Variants in DOCK4 observed in about 807,000 individuals in gnomAD.
DOCK4 encodes dedicator of cytokinesis protein 4.
A neutral mutation model predicts 268.1 loss-of-function variants in DOCK4; 97 were observed. The observed-to-expected ratio is 0.36, with a 90% CI of 0.31 to 0.43. The LOEUF is 0.43. Among genes scored for constraint, DOCK4 ranks in the 20% least tolerant of loss-of-function variants. DOCK4 has a pLI of 1.00. For synonymous variants in DOCK4, 954 were observed against 887.2 expected (o/e 1.08, Z -1.34); for missense variants, 2,145 against 2,455.7 (o/e 0.87, Z 2.67).
chr7:111,760,058 G>T, intron 40 of DOCK4, 123 bp downstream of exon 40: 1 of 1,201,602 alleles, frequency 8.3e-7, no homozygotes. Flanking sequence ...TGATGGGAAA[G>T]AGGGAGCAGT....
At chr7:112,106,048 CAG>C (rs1811124641) in intron 1 of DOCK4, among the ~76,000 whole-genome samples, 2 of 152,344 alleles carry the variant, frequency 1.3e-5, no homozygotes, top group South Asian at 4.1e-4. Flanking sequence ...CGGACCACAA[CAG>C]ATTCTGTTTG....
At chr7:111,908,970 T>C (rs1034878087) in intron 13 of DOCK4, among the ~76,000 whole-genome samples, 2 of 152,220 alleles carry the variant, frequency 1.3e-5, no homozygotes, top group African/African-American at 4.8e-5. Context: ...TTTGCTGTTA[T>C]AAATAGTGCC....
chr7:112,044,456 C>T (rs1173915305), intron 1 of DOCK4, among the ~76,000 whole-genome samples: 2 of 152,130 alleles, frequency 1.3e-5, no homozygotes, highest in Non-Finnish European at 2.9e-5. Context: ...ATCTAGCACT[C>T]ATCAAGGTAT....
intron 1 of DOCK4, among the ~76,000 whole-genome samples, chr7:112,148,603 T>A (rs1227220034): frequency 6.6e-6 from 1 of 152,036 alleles, no homozygotes. Flanking sequence ...ACAACCATTA[T>A]TTGCTGTCTA....
At chr7:111,777,485 G>C (rs1337050384) in intron 36 of DOCK4, among the ~76,000 whole-genome samples, 1 of 152,178 alleles carries the variant, frequency 6.6e-6, no homozygotes, top group African/African-American at 2.4e-5. Context: ...AAATAGGTCT[G>C]ACTATTGAAA....
At chr7:111,939,784 C>T (rs1795054852) in intron 11 of DOCK4, among the ~76,000 whole-genome samples, 1 of 152,140 alleles carries the variant, frequency 6.6e-6, no homozygotes, top group South Asian at 2.1e-4. Context: ...TCAAAAAGTA[C>T]TTTCACTTTC....
intron 23 of DOCK4, among the ~76,000 whole-genome samples, chr7:111,853,555 C>T (rs997602516): frequency 1.3e-5 from 2 of 152,288 alleles, no homozygotes; most frequent in South Asian, 2.1e-4. Flanking sequence ...ATACAGACAA[C>T]AAGAACTCAG....
intron 1 of DOCK4, among the ~76,000 whole-genome samples, chr7:112,032,666 C>T (rs1165101889): frequency 6.6e-6 from 1 of 152,044 alleles, no homozygotes; most frequent in African/African-American, 2.4e-5. Context: ...AAAAGTAGGC[C>T]AGATTTTATT....
intron 27 of DOCK4, among the ~76,000 whole-genome samples, chr7:111,817,498 C>T (rs56957845): frequency 0.092 from 14,069 of 152,128 alleles, 2,084 homozygotes; most frequent in African/African-American, 0.31. Flanking sequence ...GGAAGCTTCC[C>T]TCCTTGAGAA....
Position 112,016,045 on chromosome 7 carries a change from G to T in DOCK4, c.38-11914C>A, listed in dbSNP as rs2135386212. 1.3e-5 allele frequency among the ~76,000 whole-genome samples: 2 copies of T among 152,286 alleles called. 1 individual carries two copies. Among genetic ancestry groups the T allele is most frequent in the South Asian group, 4.1e-4 (2 of 4,822 alleles). On this transcript the variant is annotated intron_variant, in intron 1 of 52. Coordinates refer to ENST00000428084, the MANE Select transcript of DOCK4 (RefSeq NM_001363540.2). ...TTAAAAGGATTACATTTCAACATAAGTTTTGGAGGGGACAAAAACATTTAA... is the reference window on the plus strand; with the variant it reads ...TTAAAAGGATTACATTTCAACATAATTTTTGGAGGGGACAAAAACATTTAA...
At position 111,855,016 on chromosome 7, in the gene DOCK4, T is replaced by A. The variant is rs139245190; in HGVS notation, c.2474-7890A>T. Among the ~76,000 whole-genome samples, 766 of 152,126 alleles carry A rather than the reference T, an allele frequency of 5.0e-3. 5 individuals carry two copies. Among genetic ancestry groups the A allele is most frequent in the African/African-American group, 0.017 (710 of 41,484 alleles). On this transcript the variant is annotated intron_variant, in intron 23 of 52. Coordinates refer to ENST00000428084, the MANE Select transcript of DOCK4 (RefSeq NM_001363540.2). ...CTTGAGAAAATGAGAGACTAAACCA[T>A]GAAGGATAAATGGGAATTAACTCTG...
At chr7:111,944,680 A>T in intron 10 of DOCK4, 131 bp downstream of exon 10, 1 of 876,618 alleles carries the variant, frequency 1.1e-6, no homozygotes. Context: ...AACTTCTGTG[A>T]TTCTTGGATT....
chr7:112,000,112 G>A (rs1023707782), intron 3 of DOCK4, among the ~76,000 whole-genome samples: 4 of 151,972 alleles, frequency 2.6e-5, no homozygotes, highest in Non-Finnish European at 5.9e-5. Flanking sequence ...TCTCCATACC[G>A]ATATTTTACA....
chr7:111,797,923 C>G (rs1267291622), intron 30 of DOCK4, among the ~76,000 whole-genome samples: 4 of 152,090 alleles, frequency 2.6e-5, no homozygotes, highest in Non-Finnish European at 5.9e-5. Flanking sequence ...ACTACAAAAG[C>G]AAGCTATAGG....
chr7:111,844,652 T>C (rs1165330984), intron 25 of DOCK4, 111 bp downstream of exon 25: 28 of 1,329,834 alleles, frequency 2.1e-5, no homozygotes, highest in Admixed American at 1.9e-4. Flanking sequence ...GAAATGCTGA[T>C]GGGTTACTCT....
intron 1 of DOCK4, among the ~76,000 whole-genome samples, chr7:112,025,344 G>A (rs1247079019): frequency 6.6e-6 from 1 of 152,158 alleles, no homozygotes; most frequent in Non-Finnish European, 1.5e-5. Flanking sequence ...ATGAGGACAA[G>A]GAATACAACA....
chr7:112,104,772 G>C (rs968559259), intron 1 of DOCK4, among the ~76,000 whole-genome samples: 1 of 152,178 alleles, frequency 6.6e-6, no homozygotes, highest in Non-Finnish European at 1.5e-5. Flanking sequence ...TGGGGAGAAT[G>C]CTATAGAGTG....
intron 1 of DOCK4, among the ~76,000 whole-genome samples, chr7:112,017,307 T>C (rs964629539): frequency 6.6e-6 from 1 of 152,236 alleles, no homozygotes; most frequent in African/African-American, 2.4e-5. Context: ...TTACAAAGGA[T>C]TTACATTTTG....
At chr7:111,957,858 T>G (rs893351444) in intron 8 of DOCK4, among the ~76,000 whole-genome samples, 1 of 152,208 alleles carries the variant, frequency 6.6e-6, no homozygotes. Flanking sequence ...TCTATTTAAT[T>G]TGTAGTCCAA....
Sources: allele counts gnomAD v4.1 joint callset (sites outside exome capture counted in the v4.1 genomes callset), GRCh38; gene constraint gnomAD v4.1.1; transcripts MANE v1.5; gene names NCBI Gene and HGNC (gene_info 2026-07-23, HGNC 2026-07-21).